Variants in RFX4 observed in about 807,000 individuals in gnomAD.
The protein encoded by RFX4 is transcription factor RFX4.
Under a neutral mutation model 95.0 loss-of-function variants are expected in RFX4, and 10 were observed. The observed-to-expected ratio is 0.11, with a 90% CI of 0.06 to 0.18. The LOEUF (loss-of-function observed/expected upper bound fraction) is 0.18, where lower values mean the gene tolerates loss of function less well. Among genes scored for constraint, RFX4 ranks in the 10% least tolerant of loss-of-function variants. The pLI is 1.00. For synonymous variants in RFX4, 321 were observed against 340.7 expected, an observed-to-expected ratio of 0.94 and a Z score of 0.64; for missense variants, 640 against 922.0, an observed-to-expected ratio of 0.69 and a Z score of 3.96.
At chr12:106,647,584 C>A (rs1373123803) in intron 3 of RFX4, among the ~76,000 whole-genome samples, 1 of 152,172 alleles carries the variant, frequency 6.6e-6, no homozygotes, top group Non-Finnish European at 1.5e-5. Flanking sequence ...TTCCTCCTTT[C>A]CCCTCCTTCC....
chr12:106,690,182 A>C (rs2041749852), intron 7 of RFX4, among the ~76,000 whole-genome samples: 1 of 152,078 alleles, frequency 6.6e-6, no homozygotes, highest in Non-Finnish European at 1.5e-5. Context: ...GTCCTTTAGG[A>C]GTAAATGTTT....
At chr12:106,674,441 C>A (rs1260860662) in intron 4 of RFX4, among the ~76,000 whole-genome samples, 1 of 151,866 alleles carries the variant, frequency 6.6e-6, no homozygotes, top group East Asian at 1.9e-4. Flanking sequence ...AGCAATTCTC[C>A]TGCCTCAGCC....
At chr12:106,696,152 G>A in intron 7 of RFX4, 131 bp from the exon 8 acceptor site, 2 of 1,041,126 alleles carry the variant, frequency 1.9e-6, no homozygotes, top group Non-Finnish European at 2.8e-6. Context: ...GGCAGGCTGG[G>A]GGTGACTTCT....
At chr12:106,611,391 A>G (rs2039957934) in intron 2 of RFX4, among the ~76,000 whole-genome samples, 1 of 148,408 alleles carries the variant, frequency 6.7e-6, no homozygotes, top group African/African-American at 2.5e-5. Flanking sequence ...GTCAGATCCA[A>G]TGTTGTGAAG....
At chr12:106,646,202 C>T (rs2137298100) in intron 3 of RFX4, among the ~76,000 whole-genome samples, 3 of 152,028 alleles carry the variant, frequency 2.0e-5, no homozygotes. Flanking sequence ...TCTGCGGGGC[C>T]TTATTCATAA....
chr12:106,606,092 A>G (rs999458910), intron 1 of RFX4, among the ~76,000 whole-genome samples: 3 of 152,178 alleles, frequency 2.0e-5, no homozygotes, highest in Non-Finnish European at 4.4e-5. Context: ...TCTCTCGGGA[A>G]TGTTGCCACG....
chr12:106,706,208 T>G (rs1297779668), intron 8 of RFX4, among the ~76,000 whole-genome samples: 8 of 151,910 alleles, frequency 5.3e-5, no homozygotes, highest in African/African-American at 1.9e-4. Context: ...AGGCCAGAGG[T>G]CCGGAATGCA....
chr12:106,695,996 C>T (rs540340844), intron 7 of RFX4, among the ~76,000 whole-genome samples: 52 of 152,280 alleles, frequency 3.4e-4, no homozygotes, highest in South Asian at 2.9e-3. Context: ...GCACTGAAGG[C>T]GCTGAGGGGT....
intron 13 of RFX4, among the ~76,000 whole-genome samples, chr12:106,722,296 C>T (rs963621370): frequency 1.3e-5 from 2 of 152,256 alleles, no homozygotes; most frequent in African/African-American, 2.4e-5. Context: ...ATATCCACAT[C>T]CACACAGCGA....
At position 106,761,385 on chromosome 12, in the gene RFX4, C is replaced by A. The variant is rs772451146; in HGVS notation, c.2124C>A (p.Arg708=). ...ACATGTATACACCTCTGACAACGCG[C>A]AGGAATTCTGAATATGAGCACATGC... The part of the protein sequence containing the change: ...SSDMYTPLTT[R]RNSEYEHMQH... The change falls in exon 18 of 18, where the codon CGC becomes CGA. Residue 708 remains arginine (R), a synonymous_variant. Transcript: ENST00000392842. 7 of 1,614,116 alleles carry A rather than the reference C, an allele frequency of 4.3e-6. No individual in the cohort carries two copies. The South Asian group carries it at 7.7e-5, about 18-fold the overall frequency.
intron 8 of RFX4, among the ~76,000 whole-genome samples, chr12:106,702,354 A>C (rs1205480097): frequency 6.6e-6 from 1 of 152,184 alleles, no homozygotes; most frequent in Non-Finnish European, 1.5e-5. Flanking sequence ...GAGGCAGTCT[A>C]TTCGGGAGTT....
rs926472654 is a variant in RFX4 at position 106,649,576 on chromosome 12, C to T, written c.192-4652C>T. On this transcript the variant is annotated intron_variant, in intron 3 of 17. Coordinates refer to ENST00000392842, the MANE Select transcript of RFX4 (RefSeq NM_213594.3). ...CCCATCTGATTTGAATAGTTTGTTG[C>T]TGCTATGGGTTCATTTGATGTGATG... is the stretch of plus-strand genomic sequence containing the variant. 3.9e-5 allele frequency among the ~76,000 whole-genome samples: 6 copies of T among 152,236 alleles called. No homozygotes were observed. The South Asian group carries it at 8.3e-4, about 21-fold the overall frequency.
chr12:106,682,024 C>G lies in RFX4; in HGVS notation c.347C>G (p.Thr116Ser). ...AGGCAGCAGTTTCCTCAGTTAACCA[C>G]CAGAAGACTCGGGACCCGAGGACAG... ...IIRQQFPQLT[T>S]RRLGTRGQSK... is the part of the protein sequence containing the mutation. The change falls in exon 5 of 18, where the codon ACC (threonine) becomes AGC (serine). Residue 116 changes from threonine to serine, a missense_variant. By Grantham distance (58) the Thr-to-Ser change is moderately conservative. Transcript: ENST00000392842. 1 of 1,614,182 alleles carries G rather than the reference C, an allele frequency of 6.2e-7. No individual in the cohort carries two copies. Among genetic ancestry groups the G allele is most frequent in the Non-Finnish European group, 8.5e-7 (1 of 1,180,034 alleles).
Position 106,761,230 on chromosome 12 carries a change from C to A in RFX4, c.1969C>A (p.Pro657Thr), listed in dbSNP as rs756688374. 7.4e-6 allele frequency: 12 copies of A among 1,614,068 alleles called. No homozygotes were observed. In the South Asian group the frequency reaches 9.9e-5, roughly 13 times the overall value. Residue 657 changes from proline to threonine, a missense_variant, in exon 18 of 18, where the codon CCT becomes ACT. Coordinates refer to ENST00000392842, the MANE Select transcript of RFX4 (RefSeq NM_213594.3). ...PFNSPTSRME[P>T]CLMSSTPRLH... ...TAATAGCCCCACTTCCCGGATGGAA[C>A]CTTGTTTGATGAGCAGTACTCCCAG...
chr12:106,632,793 A>G (rs545868223), intron 2 of RFX4, among the ~76,000 whole-genome samples: 1 of 152,250 alleles, frequency 6.6e-6, no homozygotes, highest in South Asian at 2.1e-4. Context: ...AGCTGGGACT[A>G]CAAGTGCATG....
At chr12:106,663,990 A>G (rs1197747863) in intron 4 of RFX4, among the ~76,000 whole-genome samples, 2 of 151,768 alleles carry the variant, frequency 1.3e-5, no homozygotes, top group Admixed American at 6.6e-5. Flanking sequence ...GAATTTTTGC[A>G]TCTATGTTTA....
At chr12:106,645,368 G>T (rs1391394068) in intron 3 of RFX4, among the ~76,000 whole-genome samples, 1 of 152,068 alleles carries the variant, frequency 6.6e-6, no homozygotes. Flanking sequence ...GCCCTCGCCC[G>T]CCACCCTTGC....
intron 2 of RFX4, among the ~76,000 whole-genome samples, chr12:106,630,371 C>T (rs2040395146): frequency 6.6e-6 from 1 of 152,110 alleles, no homozygotes. Context: ...AGGAATTCAC[C>T]CAGAGGAGGC....
intron 2 of RFX4, among the ~76,000 whole-genome samples, chr12:106,613,437 A>G (rs1347154417): frequency 6.7e-6 from 1 of 150,284 alleles, no homozygotes; most frequent in Non-Finnish European, 1.5e-5. Flanking sequence ...ATCTTGGCTC[A>G]CTGCAACCCC....
Sources: gnomAD v4.1 joint callset for allele counts (sites outside exome capture counted in the v4.1 genomes callset) on GRCh38, gnomAD v4.1.1 for gene constraint, MANE v1.5 for transcripts, NCBI Gene and HGNC (gene_info 2026-07-23, HGNC 2026-07-21) for gene names.